Variants in COL22A1 observed in about 807,000 individuals in gnomAD.
COL22A1 encodes collagen alpha-1(XXII) chain.
In COL22A1, 221 loss-of-function variants were observed where a neutral mutation model predicts 248.9. The observed-to-expected ratio is 0.89, with a 90% CI of 0.80 to 0.99. COL22A1 has a LOEUF of 0.99. COL22A1 is among the 50% of genes least tolerant of loss of function. The probability of loss-of-function intolerance (pLI) is 0.00; values close to 1 mark genes in which losing one functional copy is unlikely to be tolerated. For missense variants in COL22A1, 2,240 were observed against 2,179.0 expected, an observed-to-expected ratio of 1.03 and a Z score of -0.56; for synonymous variants, 891 against 793.4, an observed-to-expected ratio of 1.12 and a Z score of -2.07.
At chr8:138,870,254 T>C (rs1178833961) in intron 3 of COL22A1, among the ~76,000 whole-genome samples, 1 of 151,906 alleles carries the variant, frequency 6.6e-6, no homozygotes, top group African/African-American at 2.4e-5. Flanking sequence ...GGTGTCTGTG[T>C]GGGTGCTGTT....
At chr8:138,827,080 G>A (rs1256922347) in intron 5 of COL22A1, 2 of 369,788 alleles carry the variant, frequency 5.4e-6, no homozygotes, top group Non-Finnish European at 1.0e-5. Flanking sequence ...CACAGTAAAC[G>A]CTAAATGGTC....
At chr8:138,666,169 G>T (rs1165907100) in intron 41 of COL22A1, among the ~76,000 whole-genome samples, 6 of 152,100 alleles carry the variant, frequency 3.9e-5, no homozygotes, top group Non-Finnish European at 2.9e-5. Context: ...TAGCACATTT[G>T]CTTCTCTCTT....
At chr8:138,839,474 G>C (rs1159456198) in intron 4 of COL22A1, among the ~76,000 whole-genome samples, 1 of 152,186 alleles carries the variant, frequency 6.6e-6, no homozygotes. Flanking sequence ...CATTCTGGCA[G>C]CAGGGCATGG....
chr8:138,826,540 C>CT (rs1819596129), intron 6 of COL22A1, 118 bp downstream of exon 6: 8 of 1,104,622 alleles, frequency 7.2e-6, no homozygotes, highest in African/African-American at 1.6e-5. Flanking sequence ...GCCAGGCTCT[C>CT]TATCTCTCTA....
At chr8:138,895,084 G>GA (rs113397430) in intron 1 of COL22A1, among the ~76,000 whole-genome samples, 29,524 of 146,646 alleles carry the variant, frequency 0.2, 3,296 homozygotes, top group African/African-American at 0.3. Context: ...GAAAAGAAAA[G>GA]AAAAAAAAAC....
At chr8:138,632,518 G>T (rs957973588) in intron 49 of COL22A1, among the ~76,000 whole-genome samples, 2 of 152,124 alleles carry the variant, frequency 1.3e-5, no homozygotes, top group Admixed American at 1.3e-4. Context: ...GCAAGTTCCC[G>T]CAGTACTCTA....
intron 43 of COL22A1, 121 bp from the exon 44 acceptor site, chr8:138,660,601 TCAGACCATGA>T: frequency 4.8e-6 from 4 of 835,392 alleles, no homozygotes; most frequent in Non-Finnish European, 7.8e-6. Context: ...AAAAAAATCA[TCAGACCATGA>T]GGATTGGCAC....
chr8:138,742,456 A>G (rs569005912), intron 22 of COL22A1, among the ~76,000 whole-genome samples: 125 of 142,082 alleles, frequency 8.8e-4, no homozygotes, highest in African/African-American at 3.2e-3. Context: ...TGATGGTACT[A>G]GTGATTGTGA....
chr8:138,729,250 TC>T (rs1830535650), intron 23 of COL22A1, among the ~76,000 whole-genome samples: 1 of 152,058 alleles, frequency 6.6e-6, no homozygotes, highest in Non-Finnish European at 1.5e-5. Context: ...GTCTGTACAG[TC>T]CCCACTCAAG....
rs567150037 is a variant in COL22A1 at position 138,596,766 on chromosome 8, C to G, written c.4432+138G>C. On this transcript the variant is annotated intron_variant, in intron 62 of 64. Coordinates refer to ENST00000303045, the MANE Select transcript of COL22A1 (RefSeq NM_152888.3). ...GGACAGAACAGTCTTCAGGGCATTCCCCAACCCTGATAGTCTACACTTGAG... is the reference window on the plus strand; with the variant it reads ...GGACAGAACAGTCTTCAGGGCATTCGCCAACCCTGATAGTCTACACTTGAG... The G allele has an allele frequency of 7.9e-4, 590 of 750,594 alleles. 2 individuals carry two copies. In the African/African-American group the frequency reaches 9.3e-3, roughly 12 times the overall value. 46.5% of individuals were successfully genotyped at this position (750,594 alleles called of 1,614,324 possible). A position where few individuals can be genotyped will look rare whatever the true frequency, so the allele number is the denominator to read the frequency against.
In COL22A1 at chr8:138,679,601, A is replaced by G; in HGVS notation, c.3072+16T>C. 1 of 1,612,346 alleles carries G rather than the reference A, an allele frequency of 6.2e-7. No homozygotes were observed. Among genetic ancestry groups the G allele is most frequent in the South Asian group, 1.1e-5 (1 of 91,046 alleles). On this transcript the variant is annotated intron_variant, in intron 40 of 64. Coordinates refer to ENST00000303045, the MANE Select transcript of COL22A1 (RefSeq NM_152888.3). ...CTTCTGTCTTTTTGCAAATGTTTGC[A>G]TAGATCTTCACTGACCTTAACACAT...
chr8:138,859,873 T>C (rs1426085866), intron 3 of COL22A1, among the ~76,000 whole-genome samples: 2 of 139,962 alleles, frequency 1.4e-5, no homozygotes, highest in Non-Finnish European at 3.2e-5. Flanking sequence ...TCCCCGCACC[T>C]TGAGAGTAAA....
At chr8:138,696,267 G>A (rs1217752078) in intron 32 of COL22A1, among the ~76,000 whole-genome samples, 1 of 152,132 alleles carries the variant, frequency 6.6e-6, no homozygotes, top group Non-Finnish European at 1.5e-5. Flanking sequence ...CCTGCTTAGG[G>A]GGACATCGGG....
chr8:138,598,310 T>C (rs1817712055), intron 61 of COL22A1, among the ~76,000 whole-genome samples: 1 of 152,158 alleles, frequency 6.6e-6, no homozygotes, highest in African/African-American at 2.4e-5. Flanking sequence ...TCGAAATGGA[T>C]GGTAAACCAT....
At chr8:138,665,330 A>T (rs928121131) in intron 41 of COL22A1, among the ~76,000 whole-genome samples, 4 of 152,238 alleles carry the variant, frequency 2.6e-5, no homozygotes, top group African/African-American at 9.6e-5. Context: ...AGTAAAGGCA[A>T]TCCTTCAGTA....
At chr8:138,714,114 T>A (rs1829245395) in intron 30 of COL22A1, among the ~76,000 whole-genome samples, 1 of 152,214 alleles carries the variant, frequency 6.6e-6, no homozygotes, top group South Asian at 2.1e-4. Flanking sequence ...TCCTTGAACC[T>A]GCCCGCATGT....
intron 16 of COL22A1, among the ~76,000 whole-genome samples, chr8:138,766,821 C>A (rs930179498): frequency 1.3e-4 from 20 of 152,224 alleles, no homozygotes; most frequent in African/African-American, 4.8e-4. Context: ...GTGGGCCCAT[C>A]CTGAGGCCAC....
intron 3 of COL22A1, among the ~76,000 whole-genome samples, chr8:138,867,297 T>C (rs558013443): frequency 2.0e-5 from 3 of 152,274 alleles, no homozygotes; most frequent in East Asian, 1.9e-4. Flanking sequence ...AATGGACCAG[T>C]TCCCCATGCA....
chr8:138,716,231 T>A lies in COL22A1; in HGVS notation c.2459A>T (p.Asp820Val). 1 of 1,583,590 alleles carries A rather than the reference T, an allele frequency of 6.3e-7. No individual in the cohort carries two copies. The highest frequency in any genetic ancestry group is 1.3e-5 in the African/African-American group (1 of 74,650). Residue 820 changes from aspartate (D) to valine (V), a missense_variant, in exon 29 of 65, where the codon GAC becomes GTC. Transcript: ENST00000303045. ...GFPGVRGEKG[D>V]QGEKGELGLP... ...GAAGGAAGCTGCCACACTTACCTGG[T>A]CTCCTTTCTCTCCTCTCACACCTGG...
Sources: gnomAD v4.1 joint callset for allele counts (sites outside exome capture counted in the v4.1 genomes callset) on GRCh38, gnomAD v4.1.1 for gene constraint, MANE v1.5 for transcripts, NCBI Gene and HGNC (gene_info 2026-07-23, HGNC 2026-07-21) for gene names.